LDLRAD4: variants seen among roughly 807,000 people sequenced by gnomAD.
LDLRAD4 encodes low-density lipoprotein receptor class A domain-containing protein 4.
Under a neutral mutation model 17.0 loss-of-function variants are expected in LDLRAD4, and 5 were observed. That is an observed-to-expected ratio of 0.29 (90% confidence interval 0.15 to 0.62). The LOEUF (loss-of-function observed/expected upper bound fraction) is 0.62. Ranked by LOEUF, LDLRAD4 falls within the 20% of genes least tolerant of loss-of-function variation. LDLRAD4 has a pLI of 0.84. For missense variants in LDLRAD4, 340 were observed against 424.7 expected (o/e 0.80, Z 1.75); for synonymous variants, 168 against 171.8 (o/e 0.98, Z 0.17).
intron 3 of LDLRAD4, among the ~76,000 whole-genome samples, chr18:13,479,534 T>G (rs1475612032): frequency 2.0e-5 from 3 of 151,972 alleles, no homozygotes; most frequent in African/African-American, 4.8e-5. Flanking sequence ...GGCAGGAGAA[T>G]CGCTTGAACC....
At chr18:13,354,228 G>T (rs772521369) in intron 1 of LDLRAD4, among the ~76,000 whole-genome samples, 1 of 152,122 alleles carries the variant, frequency 6.6e-6, no homozygotes, top group Non-Finnish European at 1.5e-5. Context: ...TCTAAAAAAA[G>T]AAATAAGAAA....
chr18:13,437,605 C>T lies in LDLRAD4; in HGVS notation c.41-639C>T, dbSNP rs569317342. On this transcript the variant is annotated intron_variant, in intron 2 of 5. Transcript: ENST00000359446. ...GACCTGCCCTATTTTTATAGTTCAC[C>T]AGCATGGCCCTTTAGCAGAAAGCAC... Among the ~76,000 whole-genome samples the T allele has an allele frequency of 2.4e-4, 36 of 152,266 alleles. 1 individual carries two copies. In the South Asian group the frequency reaches 7.1e-3, roughly 30 times the overall value.
At chr18:13,235,420 CT>C (rs1372636723) in intron 1 of LDLRAD4, among the ~76,000 whole-genome samples, 1 of 152,186 alleles carries the variant, frequency 6.6e-6, no homozygotes, top group Non-Finnish European at 1.5e-5. Flanking sequence ...GTCTGTGAAT[CT>C]TTTTTCCATC....
intron 2 of LDLRAD4, among the ~76,000 whole-genome samples, chr18:13,404,516 G>A (rs1184208907): frequency 1.3e-5 from 2 of 152,134 alleles, no homozygotes; most frequent in East Asian, 1.9e-4. Context: ...ATTAAGATGC[G>A]GCCGGGCATG....
intron 3 of LDLRAD4, among the ~76,000 whole-genome samples, chr18:13,548,002 AAG>A (rs2094388941): frequency 6.6e-6 from 1 of 152,150 alleles, no homozygotes. Context: ...GAGCAAGTCA[AAG>A]AGGTGCTTTA....
chr18:13,334,198 A>C (rs990446111), intron 1 of LDLRAD4, among the ~76,000 whole-genome samples: 1 of 151,884 alleles, frequency 6.6e-6, no homozygotes, highest in Non-Finnish European at 1.5e-5. Flanking sequence ...TTCATATTTC[A>C]TTTGTTCTTC....
At chr18:13,571,925 C>G (rs116396528) in intron 3 of LDLRAD4, among the ~76,000 whole-genome samples, 3 of 152,168 alleles carry the variant, frequency 2.0e-5, no homozygotes, top group African/African-American at 7.2e-5. Flanking sequence ...CGTGAGCTAC[C>G]GCACCGGGCC....
chr18:13,238,424 TGAA>T (rs1321273127), intron 1 of LDLRAD4, among the ~76,000 whole-genome samples: 2 of 152,240 alleles, frequency 1.3e-5, no homozygotes, highest in Non-Finnish European at 2.9e-5. Context: ...ATCAGTGTCT[TGAA>T]GCACTGTTGG....
At chr18:13,333,527 T>C (rs773155861) in intron 1 of LDLRAD4, among the ~76,000 whole-genome samples, 1 of 152,202 alleles carries the variant, frequency 6.6e-6, no homozygotes. Flanking sequence ...TCTGGGAGTT[T>C]TATAGTTTGT....
At chr18:13,559,262 G>T (rs1347851455) in intron 3 of LDLRAD4, among the ~76,000 whole-genome samples, 2 of 152,194 alleles carry the variant, frequency 1.3e-5, no homozygotes, top group African/African-American at 4.8e-5. Flanking sequence ...CTGCTTCCTT[G>T]TGGGGTTTCT....
At chr18:13,236,181 G>A (rs191591587) in intron 1 of LDLRAD4, among the ~76,000 whole-genome samples, 1 of 152,268 alleles carries the variant, frequency 6.6e-6, no homozygotes, top group East Asian at 1.9e-4. Flanking sequence ...CGTCGCTCCC[G>A]AGCTGGGCTG....
chr18:13,618,308 A>G (rs1212263580), intron 3 of LDLRAD4, among the ~76,000 whole-genome samples: 1 of 152,198 alleles, frequency 6.6e-6, no homozygotes, highest in Non-Finnish European at 1.5e-5. Flanking sequence ...CCCGGGACGG[A>G]GTGGGGCTTG....
At chr18:13,361,494 A>G (rs144717670) in intron 1 of LDLRAD4, among the ~76,000 whole-genome samples, 20 of 152,350 alleles carry the variant, frequency 1.3e-4, no homozygotes, top group African/African-American at 4.8e-4. Context: ...CCCTCAGTAC[A>G]GTTCTCCAGA....
At chr18:13,343,544 C>G (rs1007256138) in intron 1 of LDLRAD4, among the ~76,000 whole-genome samples, 2 of 152,040 alleles carry the variant, frequency 1.3e-5, no homozygotes, top group African/African-American at 4.8e-5. Context: ...AATAAACATA[C>G]GTGTGCGTGT....
intron 3 of LDLRAD4, among the ~76,000 whole-genome samples, chr18:13,448,057 C>T (rs548191438): frequency 1.3e-5 from 2 of 152,238 alleles, no homozygotes; most frequent in Admixed American, 1.3e-4. Context: ...TTAGTGCAAA[C>T]TTGACAATTA....
chr18:13,283,811 C>T (rs992339381), intron 1 of LDLRAD4, among the ~76,000 whole-genome samples: 1 of 152,144 alleles, frequency 6.6e-6, no homozygotes, highest in Non-Finnish European at 1.5e-5. Context: ...TAAAGACATA[C>T]CCGAGACTGG....
intron 3 of LDLRAD4, chr18:13,611,002 C>T (rs1776173961): frequency 1.3e-5 from 2 of 154,092 alleles, no homozygotes; most frequent in South Asian, 2.0e-4. Flanking sequence ...TTCCTTTTAT[C>T]CACGTGAAGC....
At chr18:13,589,810 A>G (rs960249263) in intron 3 of LDLRAD4, among the ~76,000 whole-genome samples, 6 of 152,062 alleles carry the variant, frequency 3.9e-5, no homozygotes, top group African/African-American at 1.4e-4. Flanking sequence ...TTGAGAGGTT[A>G]TGACGCCCAG....
rs554478895 is a variant in LDLRAD4 at position 13,652,394 on chromosome 18, G to A, written c.*6737G>A. 38 of 152,286 alleles carry A rather than the reference G, an allele frequency of 2.5e-4. 1 individual carries two copies. The highest frequency in any genetic ancestry group is 3.4e-3 in the Middle Eastern group (1 of 294). The allele number at this position is 152,286 out of a possible 1,614,324, so 9.4% of individuals were successfully genotyped here. On this transcript the variant is annotated 3_prime_UTR_variant, in exon 6 of 6. Transcript: ENST00000359446. The stretch of plus-strand genomic sequence containing the variant: ...CAATACTATTCACAGCATTTAGTTC[G>A]TTTAATTTTTATTATAAAGCAATCT...
Sources: allele counts gnomAD v4.1 joint callset (sites outside exome capture counted in the v4.1 genomes callset), GRCh38; gene constraint gnomAD v4.1.1; transcripts MANE v1.5; gene names NCBI Gene and HGNC (gene_info 2026-07-23, HGNC 2026-07-21).